Variants in LRP4 observed in about 807,000 individuals in gnomAD.
LRP4 encodes the protein LDL receptor related protein 4.
In LRP4, 95 loss-of-function variants were observed where a neutral mutation model predicts 220.3. The ratio of observed to expected loss-of-function variants is 0.43; its 90% CI spans 0.37 to 0.51. The LOEUF (loss-of-function observed/expected upper bound fraction) is 0.51, where lower values mean the gene tolerates loss of function less well. Ranked by LOEUF, LRP4 falls within the 20% of genes least tolerant of loss-of-function variation. The pLI, the probability that LRP4 is intolerant of heterozygous loss-of-function variation, is 0.00. For missense variants in LRP4, 1,925 were observed against 2,567.0 expected, an observed-to-expected ratio of 0.75 and a Z score of 5.40; for synonymous variants, 903 against 954.6, an observed-to-expected ratio of 0.95 and a Z score of 1.00.
chr11:46,895,141 C>T (rs1350882126), intron 11 of LRP4, 25 bp downstream of exon 11: 2 of 1,613,288 alleles, frequency 1.2e-6, no homozygotes, highest in African/African-American at 1.3e-5. Flanking sequence ...CTCTGCCCAC[C>T]CAGCCAAGTG....
Position 46,879,211 on chromosome 11 carries a change from C to T in LRP4, c.2919G>A (p.Arg973=), listed in dbSNP as rs1391979900. ...WQTKSIQSAD[R]LTGLDRETLQ... ...GAGTCTCCCGGTCCAGCCCTGTCAG[C>T]CGGTCAGCGCTCTGTATGCTCTTGG... is the stretch of plus-strand genomic sequence containing the variant. The change falls in exon 21 of 38, where the codon CGG becomes CGA. Residue 973 remains arginine, a synonymous_variant. Coordinates refer to ENST00000378623, the MANE Select transcript of LRP4 (RefSeq NM_002334.4). 1 of 1,614,236 alleles carries T rather than the reference C, an allele frequency of 6.2e-7. No homozygotes were observed. Among genetic ancestry groups the T allele is most frequent in the South Asian group, 1.1e-5 (1 of 91,086 alleles).
chr11:46,874,846 C>A lies in LRP4; in HGVS notation c.4183G>T (p.Val1395Leu), dbSNP rs774275092. ...TCTGTGTAATAGACCTTTCCATCCACGCTGTCATAGTCCAGGGAGATGACA... is the reference window on the plus strand; with the variant it reads ...TCTGTGTAATAGACCTTTCCATCCAAGCTGTCATAGTCCAGGGAGATGACA... ...NNVISLDYDSVDGKVYYTDVF... is the reference protein window; with the variant it reads ...NNVISLDYDSLDGKVYYTDVF... The change falls in exon 28 of 38, where the codon GTG becomes TTG. Residue 1395 changes from valine (V) to leucine (L), a missense_variant. By Grantham distance (32) the Val-to-Leu change is conservative (BLOSUM62 1). Transcript: ENST00000378623. 1 of 1,614,120 alleles carries A rather than the reference C, an allele frequency of 6.2e-7. No homozygotes were observed. Among genetic ancestry groups the A allele is most frequent in the African/African-American group, 1.3e-5 (1 of 75,038 alleles).
In LRP4 at chr11:46,899,811, C is replaced by T; in HGVS notation, c.430+52G>A. ...CCATTGCTGCTATCTTCTCCCATGGCCAGGCCACCCACTGGCCACCTTGCC... is the reference window on the plus strand; with the variant it reads ...CCATTGCTGCTATCTTCTCCCATGGTCAGGCCACCCACTGGCCACCTTGCC... On this transcript the variant is annotated intron_variant, in intron 4 of 37. Coordinates refer to ENST00000378623, the MANE Select transcript of LRP4 (RefSeq NM_002334.4). The surrounding 1 kb of genome is among the most constrained non-coding windows in gnomAD (Gnocchi z 5.9). 1 of 1,453,178 alleles carries T rather than the reference C, an allele frequency of 6.9e-7. No individual in the cohort carries two copies. The highest frequency in any genetic ancestry group is 9.7e-7 in the Non-Finnish European group (1 of 1,036,104). 90.0% of individuals were successfully genotyped at this position (1,453,178 alleles called of 1,614,324 possible).
At chr11:46,909,946 G>A (rs549418924) in intron 1 of LRP4, among the ~76,000 whole-genome samples, 1 of 152,236 alleles carries the variant, frequency 6.6e-6, no homozygotes, top group South Asian at 2.1e-4. Flanking sequence ...TTCACCAGCT[G>A]TATTATCCGG....
chr11:46,864,991 T>C (rs1394820345), intron 35 of LRP4, 128 bp downstream of exon 35: 1 of 828,680 alleles, frequency 1.2e-6, no homozygotes, highest in Non-Finnish European at 2.0e-6. Context: ...ATGATTATTA[T>C]TTCTATGGAC....
At chr11:46,872,465 C>T (rs764023448) in intron 30 of LRP4, among the ~76,000 whole-genome samples, 9 of 152,086 alleles carry the variant, frequency 5.9e-5, no homozygotes, top group South Asian at 4.1e-4. Context: ...GAGCCTGGGT[C>T]GGGCGTGGTG....
intron 36 of LRP4, among the ~76,000 whole-genome samples, chr11:46,863,975 T>TA (rs1227295194): frequency 6.6e-6 from 1 of 152,096 alleles, no homozygotes; most frequent in Non-Finnish European, 1.5e-5. Flanking sequence ...AAGAGGGACA[T>TA]AAAAAGATTA....
At chr11:46,877,818 G>T (rs186835605) in intron 22 of LRP4, among the ~76,000 whole-genome samples, 1 of 152,212 alleles carries the variant, frequency 6.6e-6, no homozygotes, top group Non-Finnish European at 1.5e-5. Context: ...ACAATAATGG[G>T]GTGGCTGTAA....
rs776674829 is a variant in LRP4 at position 46,876,546 on chromosome 11, G to A, written c.3456C>T (p.Asn1152=). 2 of 1,614,198 alleles carry A rather than the reference G, an allele frequency of 1.2e-6. No individual in the cohort carries two copies. Among genetic ancestry groups the A allele is most frequent in the East Asian group, 4.5e-5 (2 of 44,880 alleles). The change falls in exon 25 of 38, where the codon AAC becomes AAT. Residue 1152 remains asparagine, a synonymous_variant. Transcript: ENST00000378623. ...ACACTTTCCGCATGGACCCGTCCAG[G>A]TTGCCCACTTCAATCCGGTTTGTTC... The part of the protein sequence containing the change: ...DTGTNRIEVG[N]LDGSMRKVLV...
In LRP4 at chr11:46,910,103, G is replaced by A. The variant is rs141319631; in HGVS notation, c.53-7174C>T. Among the ~76,000 whole-genome samples, 15 of 152,312 alleles carry A rather than the reference G, an allele frequency of 9.8e-5. No individual in the cohort carries two copies. In the East Asian group the frequency reaches 2.9e-3, roughly 29 times the overall value. ...CAGTGGCCCGTTTCGAAAGGGACAT[G>A]TCGGGCACATGATTGCGGGTCCAAG... is the stretch of plus-strand genomic sequence containing the variant. On this transcript the variant is annotated intron_variant, in intron 1 of 37. Transcript: ENST00000378623.
chr11:46,873,528 C>T lies in LRP4; in HGVS notation c.4295G>A (p.Gly1432Glu). The T allele has an allele frequency of 1.2e-6, 2 of 1,614,226 alleles. No individual in the cohort carries two copies. Among genetic ancestry groups the T allele is most frequent in the South Asian group, 2.2e-5 (2 of 91,082 alleles). The change falls in exon 29 of 38, where the codon GGG (glycine) becomes GAG (glutamate). Residue 1432 changes from glycine (G) to glutamate (E), a missense_variant. By Grantham distance (98) the Gly-to-Glu change is moderately conservative (BLOSUM62 -2). Coordinates refer to ENST00000378623, the MANE Select transcript of LRP4 (RefSeq NM_002334.4). The surrounding 1 kb of genome is among the most constrained non-coding windows in gnomAD (Gnocchi z 4.2). Reference sequence around the variant, plus strand: ...CCTGGCCACCCAGTCCACTGCCAGCCCGTCAGTGGTCTTCAGCCCTCGCCC... The same window carrying T: ...CCTGGCCACCCAGTCCACTGCCAGCTCGTCAGTGGTCTTCAGCCCTCGCCC... ...VIGRGLKTTD[G>E]LAVDWVARNL...
chr11:46,883,620 T>G (rs1316273956), intron 19 of LRP4, among the ~76,000 whole-genome samples: 1 of 152,240 alleles, frequency 6.6e-6, no homozygotes, highest in Non-Finnish European at 1.5e-5. Context: ...CTGAAGGCTG[T>G]GAGACCCCTG....
chr11:46,904,968 C>A (rs1941735247), intron 1 of LRP4, among the ~76,000 whole-genome samples: 1 of 85,058 alleles, frequency 1.2e-5, no homozygotes. Flanking sequence ...AGGATGAGAC[C>A]TTGTCTCAAA....
intron 18 of LRP4, among the ~76,000 whole-genome samples, chr11:46,885,342 A>G (rs1227743464): frequency 6.6e-6 from 1 of 152,192 alleles, no homozygotes; most frequent in Non-Finnish European, 1.5e-5. Context: ...TGCATGTCCA[A>G]CAACTTCCCA....
chr11:46,882,957 T>A (rs1238352441), intron 19 of LRP4, among the ~76,000 whole-genome samples: 1 of 152,046 alleles, frequency 6.6e-6, no homozygotes, highest in Non-Finnish European at 1.5e-5. Context: ...TCACAAAAAG[T>A]ATGCTATTTT....
chr11:46,884,011 T>G (rs1210250168), intron 18 of LRP4, 35 bp from the exon 19 acceptor site: 1 of 1,541,786 alleles, frequency 6.5e-7, no homozygotes, highest in Non-Finnish European at 9.0e-7. Flanking sequence ...AATTCTAGTC[T>G]TGTTCATTCA....
rs1389986558 is a variant in LRP4 at position 46,900,335 on chromosome 11, GC to G, written c.242del (p.Gly81AlafsTer316). The G allele has an allele frequency of 6.2e-7, 1 of 1,614,084 alleles. No homozygotes were observed. Among genetic ancestry groups the G allele is most frequent in the South Asian group, 1.1e-5 (1 of 91,086 alleles). ...CSPLDFHCDN[G>X]KCIRRSWVCD... The stretch of plus-strand genomic sequence containing the variant: ...ACACCCAGGAGCGGCGGATGCACTT[GC>G]CATTGTCACAGTGAAAGTCAAGAGG... On this transcript the variant is annotated frameshift_variant, in exon 3 of 38. Coordinates refer to ENST00000378623, the MANE Select transcript of LRP4 (RefSeq NM_002334.4). LOFTEE classifies it high-confidence loss of function.
chr11:46,896,152 C>T, intron 9 of LRP4, 58 bp downstream of exon 9: 2 of 1,611,200 alleles, frequency 1.2e-6, no homozygotes, highest in Non-Finnish European at 8.5e-7. Context: ...CCTTTGAACC[C>T]TATGGGTGGG....
rs1565790677 is a variant in LRP4, at chr11:46,886,402, G to A, written c.2347C>T (p.Arg783Trp). 8.1e-6 allele frequency: 13 copies of A among 1,612,770 alleles called. No homozygotes were observed. Among genetic ancestry groups the A allele is most frequent in the African/African-American group, 1.3e-5 (1 of 74,916 alleles). ...RSAVALDWDSRDDHVYWTDVS... is the reference protein window; with the variant it reads ...RSAVALDWDSWDDHVYWTDVS... ...TCTGTCCAGTACACGTGGTCATCCC[G>A]GGAGTCCCAGTCAAGGGCCACAGCA... Residue 783 changes from arginine (R) to tryptophan (W), a missense_variant, in exon 17 of 38, where the codon CGG becomes TGG. Arg to Trp is a moderately radical substitution (Grantham distance 101). This residue lies in a region of LRP4 where 1,244 missense variants were observed against 1,624.9 expected (regional missense o/e 0.77). Transcript: ENST00000378623.
Sources: allele counts gnomAD v4.1 joint callset (sites outside exome capture counted in the v4.1 genomes callset), GRCh38; gene constraint gnomAD v4.1.1; regional missense constraint gnomAD v4.1.1; non-coding constraint Gnocchi (gnomAD v3.1); transcripts MANE v1.5; gene names NCBI Gene and HGNC (gene_info 2026-07-23, HGNC 2026-07-21).